WRN: variants seen among roughly 807,000 people sequenced by gnomAD.
WRN encodes the protein bifunctional 3'-5' exonuclease/ATP-dependent helicase WRN.
A neutral mutation model predicts 180.7 loss-of-function variants in WRN; 149 were observed. That is an observed-to-expected ratio of 0.82 (90% CI 0.72 to 0.94). The LOEUF (loss-of-function observed/expected upper bound fraction) is 0.94. Ranked by LOEUF, WRN falls within the 40% of genes least tolerant of loss-of-function variation. The pLI is 0.00. For missense variants in WRN, 1,661 were observed against 1,700.1 expected (o/e 0.98, Z 0.40); for synonymous variants, 548 against 568.9 (o/e 0.96, Z 0.52).
chr8:31,080,906 T>C lies in WRN; in HGVS notation c.879T>C (p.Tyr293=), dbSNP rs1022038647. 2 of 1,610,522 alleles carry C rather than the reference T, an allele frequency of 1.2e-6. No individual in the cohort carries two copies. Among genetic ancestry groups the C allele is most frequent in the Non-Finnish European group, 1.7e-6 (2 of 1,179,164 alleles). ...TAAAGGATATTTCAGAAAATCTATA[T>C]TCACTGAGGAGGATGATAATTGGGT... The part of the protein sequence containing the change: ...ILLKDISENL[Y]SLRRMIIGST... Residue 293 remains tyrosine, a synonymous_variant, in exon 9 of 35, where the codon TAT becomes TAC. Coordinates refer to ENST00000298139, the MANE Select transcript of WRN (RefSeq NM_000553.6).
At chr8:31,163,381 C>G (rs1803713973) in intron 33 of WRN, among the ~76,000 whole-genome samples, 1 of 152,154 alleles carries the variant, frequency 6.6e-6, no homozygotes, top group African/African-American at 2.4e-5. Flanking sequence ...TTACACTTTC[C>G]CTTTCCTATC....
At position 31,166,959 on chromosome 8, in the gene WRN, C is replaced by T. The variant is rs1585549638; in HGVS notation, c.3983-63C>T. ...ACAGAATATTTCAGTATTTCTAGCT[C>T]ATAGGTTTTCTAAAATATTCTCTGT... On this transcript the variant is annotated intron_variant, in intron 33 of 34. Coordinates refer to ENST00000298139, the MANE Select transcript of WRN (RefSeq NM_000553.6). 6 of 1,477,626 alleles carry T rather than the reference C, an allele frequency of 4.1e-6. No individual in the cohort carries two copies. The East Asian group carries it at 1.4e-4, about 35-fold the overall frequency. 91.5% of individuals were successfully genotyped at this position (1,477,626 alleles called of 1,614,324 possible). A position where few individuals can be genotyped will look rare whatever the true frequency, so the allele number is the denominator to read the frequency against.
chr8:31,080,760 A>T, intron 8 of WRN, 107 bp from the exon 9 acceptor site: 2 of 907,676 alleles, frequency 2.2e-6, no homozygotes, highest in Non-Finnish European at 3.3e-6. Flanking sequence ...TTGATCTTTT[A>T]AGTGAAGGTC....
chr8:31,149,829 G>A (rs1334904287), intron 30 of WRN, among the ~76,000 whole-genome samples: 2 of 152,068 alleles, frequency 1.3e-5, no homozygotes, highest in Non-Finnish European at 2.9e-5. Context: ...ATTTTTAGAA[G>A]GAGGGCATCG....
At chr8:31,096,270 A>G (rs1563348209) in intron 16 of WRN, among the ~76,000 whole-genome samples, 1 of 152,170 alleles carries the variant, frequency 6.6e-6, no homozygotes, top group Non-Finnish European at 1.5e-5. Flanking sequence ...ATTAAGTTTC[A>G]TTACATTTGA....
chr8:31,107,778 A>G (rs1801153558), intron 18 of WRN, among the ~76,000 whole-genome samples: 1 of 152,258 alleles, frequency 6.6e-6, no homozygotes, highest in Non-Finnish European at 1.5e-5. Context: ...GGAATCAGAC[A>G]AAGTGAGTGT....
chr8:31,055,846 G>T (rs1170989400), intron 1 of WRN, among the ~76,000 whole-genome samples: 1 of 152,148 alleles, frequency 6.6e-6, no homozygotes, highest in Admixed American at 6.5e-5. Context: ...CTGTGAATTT[G>T]ACCGAAAATA....
chr8:31,064,236 C>T lies in WRN; in HGVS notation c.210-53C>T, dbSNP rs6983980. 2.4e-3 allele frequency: 3,795 copies of T among 1,603,890 alleles called. 74 individuals are homozygous for T. The African/African-American group carries it at 0.044, about 19-fold the overall frequency. ...TTTTTGAATTATGTCTTTAGTTATG[C>T]AGAAGTTTAAAATTTTAACATAAAT... On this transcript the variant is annotated intron_variant, in intron 3 of 34. Coordinates refer to ENST00000298139, the MANE Select transcript of WRN (RefSeq NM_000553.6).
chr8:31,153,654 G>A (rs35261097), intron 31 of WRN, among the ~76,000 whole-genome samples: 1 of 152,044 alleles, frequency 6.6e-6, no homozygotes, highest in Non-Finnish European at 1.5e-5. Flanking sequence ...ATTGCCTTGG[G>A]TCAGATAATT....
At chr8:31,169,205 AT>A (rs1200502502) in intron 34 of WRN, among the ~76,000 whole-genome samples, 6 of 150,740 alleles carry the variant, frequency 4.0e-5, no homozygotes, top group African/African-American at 1.5e-4. Context: ...TTCTCTTTAA[AT>A]TTTTTTCTTC....
At chr8:31,112,761 AT>A (rs1175648710) in intron 19 of WRN, among the ~76,000 whole-genome samples, 1 of 151,730 alleles carries the variant, frequency 6.6e-6, no homozygotes, top group African/African-American at 2.4e-5. Context: ...TAATTTTTGT[AT>A]TTTTTAGTGG....
intron 7 of WRN, among the ~76,000 whole-genome samples, chr8:31,073,166 C>A (rs569578444): frequency 6.6e-6 from 1 of 152,140 alleles, no homozygotes; most frequent in Admixed American, 6.5e-5. Context: ...TTCTGGTTGT[C>A]GTAAGAGGAA....
At chr8:31,172,920 T>C (rs930702251) in intron 34 of WRN, 75 bp from the exon 35 acceptor site, 5 of 1,307,458 alleles carry the variant, frequency 3.8e-6, no homozygotes, top group East Asian at 2.4e-5. Flanking sequence ...CAGGAACTTA[T>C]GTTACTTTTT....
At chr8:31,143,448 C>A in intron 27 of WRN, 102 bp from the exon 28 acceptor site, 1 of 763,684 alleles carries the variant, frequency 1.3e-6, no homozygotes, top group Non-Finnish European at 2.2e-6. Context: ...CTTGATTAGG[C>A]AAAGAAAAAA....
At chr8:31,161,896 A>C (rs1803638617) in intron 33 of WRN, among the ~76,000 whole-genome samples, 1 of 151,624 alleles carries the variant, frequency 6.6e-6, no homozygotes, top group South Asian at 2.1e-4. Flanking sequence ...CTTACCACGA[A>C]TGGAGCTTGC....
At chr8:31,057,410 A>T (rs1430284483) in intron 1 of WRN, among the ~76,000 whole-genome samples, 1 of 152,038 alleles carries the variant, frequency 6.6e-6, no homozygotes, top group East Asian at 1.9e-4. Flanking sequence ...CGCTACTAAA[A>T]CATGCAAAAA....
chr8:31,133,027 C>G (rs937418364), intron 24 of WRN, among the ~76,000 whole-genome samples: 1 of 152,102 alleles, frequency 6.6e-6, no homozygotes, highest in African/African-American at 2.4e-5. Flanking sequence ...TTTGCCTTTA[C>G]TAATGAATAA....
At chr8:31,150,564 C>A in intron 31 of WRN, 109 bp downstream of exon 31, 1 of 870,622 alleles carries the variant, frequency 1.1e-6, no homozygotes, top group Non-Finnish European at 1.9e-6. Flanking sequence ...CATTTCCATA[C>A]TGGACACTTA....
At chr8:31,072,038 G>C (rs1812932919) in intron 7 of WRN, among the ~76,000 whole-genome samples, 1 of 152,194 alleles carries the variant, frequency 6.6e-6, no homozygotes, top group African/African-American at 2.4e-5. Flanking sequence ...AGAATTAGTT[G>C]TGTTGGCTGT....
Sources: gnomAD v4.1 joint callset for allele counts (sites outside exome capture counted in the v4.1 genomes callset) on GRCh38, gnomAD v4.1.1 for gene constraint, MANE v1.5 for transcripts, NCBI Gene and HGNC (gene_info 2026-07-23, HGNC 2026-07-21) for gene names.